Variants in SELENON observed in about 807,000 individuals in gnomAD.
The protein encoded by SELENON is selenoprotein N, 1.
SELENON carries 44 observed loss-of-function variants against 59.5 expected under a neutral mutation model. That is an observed-to-expected ratio of 0.74 (90% confidence interval 0.58 to 0.95). The LOEUF (loss-of-function observed/expected upper bound fraction) is 0.95, where lower values mean the gene tolerates loss of function less well. SELENON is among the 40% of genes least tolerant of loss of function. SELENON has a pLI of 0.00. For missense variants in SELENON, 674 were observed against 721.4 expected, an observed-to-expected ratio of 0.93 and a Z score of 0.75; for synonymous variants, 320 against 305.6, an observed-to-expected ratio of 1.05 and a Z score of -0.49.
At chr1:25,814,382 G>A (rs1349689733) in intron 12 of SELENON, among the ~76,000 whole-genome samples, 1 of 152,126 alleles carries the variant, frequency 6.6e-6, no homozygotes, top group East Asian at 1.9e-4. Context: ...GCAGGTGTTG[G>A]TCATCGGGGG....
intron 2 of SELENON, 73 bp downstream of exon 2, chr1:25,801,233 G>A: frequency 3.4e-6 from 4 of 1,170,172 alleles, no homozygotes; most frequent in East Asian, 2.3e-5. Flanking sequence ...AGGAGCGGCC[G>A]TCTGGAGTGG....
Position 25,814,142 on chromosome 1 carries a change from C to T in SELENON, c.1566C>T (p.Pro522=), listed in dbSNP as rs768563944. The change falls in exon 12 of 13, where the codon CCC becomes CCT. Residue 522 remains proline (P), a synonymous_variant. Transcript: ENST00000361547. ...TGCACCTGGAGAAGTACAGCTTCCC[C>T]GTGGAGATGATGATCTGCCTGCCCA... The T allele has an allele frequency of 8.1e-6, 13 of 1,614,158 alleles. No homozygotes were observed. In the East Asian group the frequency reaches 8.9e-5, roughly 11 times the overall value.
chr1:25,806,252 G>T (rs919619854), intron 4 of SELENON, among the ~76,000 whole-genome samples: 3 of 152,262 alleles, frequency 2.0e-5, no homozygotes, highest in Non-Finnish European at 2.9e-5. Flanking sequence ...AGGAGAGAAG[G>T]TGCCAGACCC....
chr1:25,809,738 C>G lies in SELENON; in HGVS notation c.928C>G (p.Pro310Ala). Residue 310 changes from proline to alanine, a missense_variant, in exon 7 of 13, where the codon CCT (proline) becomes GCT (alanine). Coordinates refer to ENST00000361547, the MANE Select transcript of SELENON (RefSeq NM_020451.3). ...GCCCGACTTCCCCTTTTGGTTCTCC[C>G]CTGCTCAGTTCACCGGCCACATCAT... is the stretch of plus-strand genomic sequence containing the variant. The G allele has an allele frequency of 6.2e-7, 1 of 1,614,128 alleles. No individual in the cohort carries two copies. Among genetic ancestry groups the G allele is most frequent in the East Asian group, 2.2e-5 (1 of 44,880 alleles).
At position 25,809,752 on chromosome 1, in the gene SELENON, C is replaced by T. The variant is rs747506928; in HGVS notation, c.942C>T (p.Thr314=). Residue 314 remains threonine, a synonymous_variant, in exon 7 of 13, where the codon ACC becomes ACT. Transcript: ENST00000361547. ...TTTGGTTCTCCCCTGCTCAGTTCAC[C>T]GGCCACATCATCCTCTCCAAAGACG... The T allele has an allele frequency of 1.4e-5, 22 of 1,614,016 alleles. No individual in the cohort carries two copies. The highest frequency in any genetic ancestry group is 1.6e-4 in the Middle Eastern group (1 of 6,084).
chr1:25,813,025 C>T (rs893531581), intron 10 of SELENON, among the ~76,000 whole-genome samples: 1 of 152,190 alleles, frequency 6.6e-6, no homozygotes, highest in Non-Finnish European at 1.5e-5. Flanking sequence ...CCATTGTCAG[C>T]TTGGTAACCT....
At position 25,807,530 on chromosome 1, in the gene SELENON, G is replaced by A. The variant is rs1367744219; in HGVS notation, c.538-1050G>A. Among the ~76,000 whole-genome samples the A allele has an allele frequency of 6.6e-6, 1 of 152,192 alleles. No homozygotes were observed. The highest frequency in any genetic ancestry group is 6.5e-5 in the Admixed American group (1 of 15,280). ...GACAACAAGAACTGGGGTGAGGCAG[G>A]AGCAGCACCCCTAGCCCTGGCCCCC... On this transcript the variant is annotated intron_variant, in intron 4 of 12. Transcript: ENST00000361547. This position sits in a 1 kb window ranked among gnomAD's most constrained non-coding sequence, Gnocchi z 4.5.
At position 25,807,609 on chromosome 1, in the gene SELENON, G is replaced by GT. The variant is rs2047919016; in HGVS notation, c.538-970dup. 6.6e-6 allele frequency among the ~76,000 whole-genome samples: 1 copy of GT among 152,210 alleles called. No individual in the cohort carries two copies. ...ATCGCTGGCAGGTCCCCTGCAGGGG[G>GT]TGGCAAGCCTACAAGCAGGACCCAG... On this transcript the variant is annotated intron_variant, in intron 4 of 12. Transcript: ENST00000361547. The surrounding 1 kb of genome is among the most constrained non-coding windows in gnomAD (Gnocchi z 4.5).
In SELENON at chr1:25,815,567, A is replaced by G. The variant is rs374741857; in HGVS notation, c.1622A>G (p.Asn541Ser). ...TCCCAGGTCCATCACATCAATGCCA[A>G]CTACTTCTTGGACATCACCTCCGTG... is the stretch of plus-strand genomic sequence containing the variant. The change falls in exon 13 of 13, where the codon AAC becomes AGC. Residue 541 changes from asparagine to serine, a missense_variant. By Grantham distance (46) the Asn-to-Ser change is conservative (BLOSUM62 1). Transcript: ENST00000361547. 7 of 1,614,142 alleles carry G rather than the reference A, an allele frequency of 4.3e-6. No individual in the cohort carries two copies. The highest frequency in any genetic ancestry group is 1.7e-5 in the Admixed American group (1 of 60,026).
chr1:25,815,403 AC>A (rs920499749), intron 12 of SELENON, 144 bp from the exon 12 acceptor site: 9 of 705,242 alleles, frequency 1.3e-5, no homozygotes, highest in Admixed American at 1.1e-4. Flanking sequence ...GCGAGGGCTT[AC>A]GGCAGCACTG....
At chr1:25,810,559 G>C (rs2047949197) in intron 7 of SELENON, among the ~76,000 whole-genome samples, 1 of 152,232 alleles carries the variant, frequency 6.6e-6, no homozygotes, top group African/African-American at 2.4e-5. Context: ...TGGCTGTGTG[G>C]CTGTGGGCAA....
rs1236288718 is a variant in SELENON at position 25,816,966 on chromosome 1, C to A, written c.*1248C>A. ...GAGGATCCATGATCCCCAGCACTGT[C>A]CCATCCTCCACAAAGGCCCACAGGC... On this transcript the variant is annotated 3_prime_UTR_variant, in exon 13 of 13. Coordinates refer to ENST00000361547, the MANE Select transcript of SELENON (RefSeq NM_020451.3). The A allele has an allele frequency of 6.6e-6, 1 of 152,252 alleles. No homozygotes were observed. The highest frequency in any genetic ancestry group is 2.4e-5 in the African/African-American group (1 of 41,432). The allele number at this position is 152,252 out of a possible 1,614,324, so 9.4% of individuals were successfully genotyped here.
In SELENON at chr1:25,812,576, C is replaced by T. The variant is rs1345410103; in HGVS notation, c.1282-111C>T. 2.9e-5 allele frequency: 18 copies of T among 616,396 alleles called. No homozygotes were observed. The East Asian group carries it at 6.5e-4, about 22-fold the overall frequency. The allele number at this position is 616,396 out of a possible 1,614,324, so 38.2% of individuals were successfully genotyped here. On this transcript the variant is annotated intron_variant, in intron 9 of 12. Coordinates refer to ENST00000361547, the MANE Select transcript of SELENON (RefSeq NM_020451.3). ...ATGCCTACACACAAACACACACACA[C>T]ACACACACACACACACACACACACA...
intron 7 of SELENON, among the ~76,000 whole-genome samples, chr1:25,811,042 A>G (rs1396303007): frequency 6.6e-6 from 1 of 152,176 alleles, no homozygotes; most frequent in African/African-American, 2.4e-5. Context: ...TGCAGATTGC[A>G]CTGCTCGGCT....
rs563039200 is a variant in SELENON, at chr1:25,801,103, G to A, written c.244G>A (p.Asp82Asn). Residue 82 changes from aspartate to asparagine, a missense_variant, in exon 2 of 13, where the codon GAC (aspartate) becomes AAC (asparagine). Transcript: ENST00000361547. ...TTTTCTCTTTTCCTCCTTGGACACTGACGGGGATATGTACATCAGCCCTGA... is the reference window on the plus strand; with the variant it reads ...TTTTCTCTTTTCCTCCTTGGACACTAACGGGGATATGTACATCAGCCCTGA... The A allele has an allele frequency of 6.2e-7, 1 of 1,614,188 alleles. No individual in the cohort carries two copies. Among genetic ancestry groups the A allele is most frequent in the Admixed American group, 1.7e-5 (1 of 60,020 alleles).
intron 4 of SELENON, among the ~76,000 whole-genome samples, chr1:25,806,165 C>T (rs1012978925): frequency 6.6e-6 from 1 of 152,240 alleles, no homozygotes; most frequent in Non-Finnish European, 1.5e-5. Flanking sequence ...AGGCTGGTCA[C>T]TGAGGCCAGG....
Position 25,814,080 on chromosome 1 carries a change from A to C in SELENON, c.1504A>C (p.Asn502His), listed in dbSNP as rs1213706277. The C allele has an allele frequency of 1.2e-6, 2 of 1,613,930 alleles. No individual in the cohort carries two copies. Among genetic ancestry groups the C allele is most frequent in the African/African-American group, 2.7e-5 (2 of 74,908 alleles). Residue 502 changes from asparagine (N) to histidine (H), a missense_variant, in exon 12 of 13, where the codon AAC becomes CAC. Coordinates refer to ENST00000361547, the MANE Select transcript of SELENON (RefSeq NM_020451.3). ...GAGTGTGCAACTGTCCCCACAGAAC[A>C]ACCAGGAGAACTCGTCCCACCAGAA...
chr1:25,815,441 G>A (rs1639038518), intron 12 of SELENON, 107 bp from the exon 12 acceptor site: 4 of 961,618 alleles, frequency 4.2e-6, no homozygotes, highest in African/African-American at 1.6e-5. Flanking sequence ...CTCAGACAAG[G>A]ACAGTCAAGG....
chr1:25,813,729 C>T (rs991977857), intron 10 of SELENON, 152 bp from the exon 10 acceptor site: 22 of 697,706 alleles, frequency 3.2e-5, no homozygotes, highest in Non-Finnish European at 5.3e-6. Context: ...TTCCAACTAT[C>T]ATTTATTCAG....
Sources: allele counts gnomAD v4.1 joint callset (sites outside exome capture counted in the v4.1 genomes callset), GRCh38; gene constraint gnomAD v4.1.1; non-coding constraint Gnocchi (gnomAD v3.1); transcripts MANE v1.5; gene names NCBI Gene and HGNC (gene_info 2026-07-23, HGNC 2026-07-21).